Variants in NUP205 observed in about 807,000 individuals in gnomAD.
NUP205 encodes nucleoporin 205.
Under a neutral mutation model 253.8 loss-of-function variants are expected in NUP205, and 76 were observed. The observed-to-expected ratio is 0.30, with a 90% confidence interval of 0.25 to 0.36. The LOEUF (loss-of-function observed/expected upper bound fraction) is 0.36, where lower values mean the gene tolerates loss of function less well. NUP205 is among the 10% of genes least tolerant of loss of function. NUP205 has a pLI of 1.00. For missense variants in NUP205, 2,162 were observed against 2,425.5 expected (o/e 0.89, Z 2.28); for synonymous variants, 832 against 850.1 (o/e 0.98, Z 0.37).
At chr7:135,603,649 A>G (rs1405796817) in intron 18 of NUP205, among the ~76,000 whole-genome samples, 3 of 151,830 alleles carry the variant, frequency 2.0e-5, no homozygotes, top group Admixed American at 6.6e-5. Flanking sequence ...AGCTGGGACT[A>G]TAGATGTGCA....
At chr7:135,610,245 G>A (rs1241592291) in intron 22 of NUP205, among the ~76,000 whole-genome samples, 1 of 152,068 alleles carries the variant, frequency 6.6e-6, no homozygotes, top group African/African-American at 2.4e-5. Context: ...TTTTTGAGAT[G>A]GAGTCTCACT....
chr7:135,617,273 C>T, intron 26 of NUP205, 26 bp downstream of exon 26: 1 of 1,600,844 alleles, frequency 6.2e-7, no homozygotes, highest in Non-Finnish European at 8.5e-7. Flanking sequence ...AAGTACATAT[C>T]TGCAGTGTCA....
chr7:135,583,973 C>A (rs903831611), intron 7 of NUP205, among the ~76,000 whole-genome samples: 5 of 151,824 alleles, frequency 3.3e-5, no homozygotes, highest in Admixed American at 6.6e-5. Context: ...TCCCCAGTAG[C>A]TGGGATTACA....
chr7:135,572,392 ATTATT>A (rs1282370695), intron 2 of NUP205, among the ~76,000 whole-genome samples: 4 of 152,084 alleles, frequency 2.6e-5, no homozygotes, highest in Non-Finnish European at 5.9e-5. Flanking sequence ...AATTTTAAGT[ATTATT>A]TTATAGTAGT....
intron 39 of NUP205, 115 bp from the exon 40 acceptor site, chr7:135,644,780 G>T (rs1338993262): frequency 1.9e-6 from 2 of 1,037,398 alleles, no homozygotes; most frequent in East Asian, 5.0e-5. Flanking sequence ...CTGCAAGGAT[G>T]TTTAAATTTG....
At chr7:135,632,276 G>T (rs1794730323) in intron 35 of NUP205, among the ~76,000 whole-genome samples, 1 of 151,754 alleles carries the variant, frequency 6.6e-6, no homozygotes, top group Non-Finnish European at 1.5e-5. Context: ...CATGTTAATT[G>T]ATTGGAAGAC....
At chr7:135,581,350 C>T (rs2129489942) in intron 7 of NUP205, among the ~76,000 whole-genome samples, 1 of 151,774 alleles carries the variant, frequency 6.6e-6, no homozygotes, top group African/African-American at 2.4e-5. Context: ...TCATGACAAA[C>T]CTGGGCAATG....
intron 30 of NUP205, among the ~76,000 whole-genome samples, chr7:135,620,321 G>A (rs549594252): frequency 8.1e-4 from 123 of 152,270 alleles, no homozygotes; most frequent in African/African-American, 2.8e-3. Flanking sequence ...ATCACCTGAG[G>A]TCAGGAGTTC....
intron 24 of NUP205, 99 bp downstream of exon 24, chr7:135,616,164 C>A: frequency 9.5e-7 from 1 of 1,053,056 alleles, no homozygotes. Flanking sequence ...TAGACCAAAA[C>A]TATCTTCTCA....
chr7:135,582,489 A>C (rs886374243), intron 7 of NUP205, among the ~76,000 whole-genome samples: 1 of 152,036 alleles, frequency 6.6e-6, no homozygotes, highest in African/African-American at 2.4e-5. Flanking sequence ...GTAGATAAGC[A>C]CGTTTTTGTT....
chr7:135,562,061 G>A (rs981878807), intron 1 of NUP205, among the ~76,000 whole-genome samples: 6 of 151,890 alleles, frequency 4.0e-5, no homozygotes, highest in African/African-American at 1.5e-4. Flanking sequence ...TTACAGGCCT[G>A]AACTGCTATG....
At chr7:135,636,065 T>A (rs1338623888) in intron 36 of NUP205, among the ~76,000 whole-genome samples, 1 of 152,178 alleles carries the variant, frequency 6.6e-6, no homozygotes, top group African/African-American at 2.4e-5. Context: ...CTTTTTTATT[T>A]GCTTGGTTTT....
At chr7:135,618,917 G>T (rs1301147810) in intron 28 of NUP205, among the ~76,000 whole-genome samples, 2 of 152,064 alleles carry the variant, frequency 1.3e-5, no homozygotes, top group Non-Finnish European at 2.9e-5. Flanking sequence ...ATTCTGATAG[G>T]AATCCCTTCT....
chr7:135,564,066 C>T (rs550365466), intron 1 of NUP205, among the ~76,000 whole-genome samples: 5 of 151,696 alleles, frequency 3.3e-5, no homozygotes, highest in Admixed American at 6.6e-5. Flanking sequence ...TTGCGGCTAC[C>T]TTTGGTGTTT....
In NUP205 at chr7:135,613,085, C is replaced by CA. The variant is rs373671230; in HGVS notation, c.3196-1060dup. Among the ~76,000 whole-genome samples the CA allele has an allele frequency of 2.5e-3, 331 of 134,674 alleles. 3 individuals are homozygous for CA. The highest frequency in any genetic ancestry group is 0.012 in the East Asian group (58 of 4,670). 88.4% of individuals were successfully genotyped at this position (134,674 alleles called of 152,430 possible). A position where few individuals can be genotyped will look rare whatever the true frequency, so the allele number is the denominator to read the frequency against. On this transcript the variant is annotated intron_variant, in intron 22 of 42. Coordinates refer to ENST00000285968, the MANE Select transcript of NUP205 (RefSeq NM_015135.3). ...TGGGTGACAGAGTGAGACCCTGACT[C>CA]AAAAAAAAAAAAAATTTGCTGATTT... is the stretch of plus-strand genomic sequence containing the variant.
rs778861245 is a variant in NUP205 at position 135,616,057 on chromosome 7, C to T, written c.3452C>T (p.Pro1151Leu). The change falls in exon 24 of 43, where the codon CCA becomes CTA. Residue 1151 changes from proline to leucine, a missense_variant. Coordinates refer to ENST00000285968, the MANE Select transcript of NUP205 (RefSeq NM_015135.3). Reference sequence around the variant, plus strand: ...TTACTGGATGACATGCCAGTGAAACCATACTCAGGTGAGTATTAGTATTTG... The same window carrying T: ...TTACTGGATGACATGCCAGTGAAACTATACTCAGGTGAGTATTAGTATTTG... ...HLLLDDMPVK[P>L]YSDGEGGIED... The T allele has an allele frequency of 6.2e-7, 1 of 1,612,966 alleles. No individual in the cohort carries two copies. The highest frequency in any genetic ancestry group is 1.3e-5 in the African/African-American group (1 of 74,850).
intron 11 of NUP205, among the ~76,000 whole-genome samples, chr7:135,592,027 A>T (rs1213790028): frequency 6.6e-6 from 1 of 152,242 alleles, no homozygotes; most frequent in East Asian, 1.9e-4. Flanking sequence ...TTAGACCAAA[A>T]ACACTGTAAA....
chr7:135,616,731 T>C lies in NUP205; in HGVS notation c.3532+5T>C. On this transcript the variant is annotated splice_donor_5th_base_variant and intron_variant, in intron 25 of 42. Coordinates refer to ENST00000285968, the MANE Select transcript of NUP205 (RefSeq NM_015135.3). ...ACTTTGACACTGCTACAAAAGGTAATGCCCTTTGAATTTGTAATAAATTTA... is the reference window on the plus strand; with the variant it reads ...ACTTTGACACTGCTACAAAAGGTAACGCCCTTTGAATTTGTAATAAATTTA... 1 of 1,508,338 alleles carries C rather than the reference T, an allele frequency of 6.6e-7. No homozygotes were observed. The highest frequency in any genetic ancestry group is 8.9e-7 in the Non-Finnish European group (1 of 1,126,224). 93.4% of individuals were successfully genotyped at this position (1,508,338 alleles called of 1,614,324 possible).
chr7:135,636,679 T>C (rs763100883), intron 36 of NUP205, among the ~76,000 whole-genome samples: 3 of 152,144 alleles, frequency 2.0e-5, no homozygotes, highest in Non-Finnish European at 4.4e-5. Context: ...AATAAGTTTA[T>C]ATTATAGTCT....
Sources: gnomAD v4.1 joint callset for allele counts (sites outside exome capture counted in the v4.1 genomes callset) on GRCh38, gnomAD v4.1.1 for gene constraint, MANE v1.5 for transcripts, NCBI Gene and HGNC (gene_info 2026-07-23, HGNC 2026-07-21) for gene names.